The following TTLL5 variants were observed in gnomAD, a reference collection of about 807,000 sequenced individuals.
The protein encoded by TTLL5 is tubulin polyglutamylase TTLL5.
A neutral mutation model predicts 168.4 loss-of-function variants in TTLL5; 132 were observed. That is an observed-to-expected ratio of 0.78 (90% CI 0.68 to 0.91). TTLL5 has a LOEUF of 0.91. Among genes scored for constraint, TTLL5 ranks in the 40% least tolerant of loss-of-function variants. The pLI, the probability that TTLL5 is intolerant of heterozygous loss-of-function variation, is 0.00. For missense variants in TTLL5, 1,545 were observed against 1,581.5 expected (o/e 0.98, Z 0.39); for synonymous variants, 546 against 558.6 (o/e 0.98, Z 0.32).
intron 31 of TTLL5, among the ~76,000 whole-genome samples, chr14:75,927,482 AAAGT>A (rs1161035774): frequency 1.3e-5 from 2 of 152,224 alleles, no homozygotes; most frequent in Admixed American, 1.3e-4. Context: ...TAATATTTAG[AAAGT>A]AAGAGGAAAA....
At chr14:75,767,235 T>C (rs941131578) in intron 20 of TTLL5, among the ~76,000 whole-genome samples, 1 of 152,044 alleles carries the variant, frequency 6.6e-6, no homozygotes, top group African/African-American at 2.4e-5. Flanking sequence ...GAGTTTTTAT[T>C]GAGCACCTGC....
At chr14:75,830,254 G>A (rs1179789082) in intron 28 of TTLL5, among the ~76,000 whole-genome samples, 1 of 152,138 alleles carries the variant, frequency 6.6e-6, no homozygotes, top group East Asian at 1.9e-4. Flanking sequence ...AAAAATTGTG[G>A]CCTGATTTCC....
At chr14:75,758,709 C>A (rs765744577) in intron 18 of TTLL5, among the ~76,000 whole-genome samples, 16 of 152,206 alleles carry the variant, frequency 1.1e-4, no homozygotes, top group Admixed American at 3.9e-4. Flanking sequence ...AGAGTATGTT[C>A]TTTGGCCCCA....
intron 30 of TTLL5, among the ~76,000 whole-genome samples, chr14:75,892,451 C>T (rs1014217128): frequency 8.5e-5 from 13 of 152,196 alleles, no homozygotes; most frequent in African/African-American, 2.4e-4. Flanking sequence ...CCTAAAGCCA[C>T]GCTCATTACT....
chr14:75,896,715 T>C (rs1022185844), intron 30 of TTLL5, among the ~76,000 whole-genome samples: 1 of 152,008 alleles, frequency 6.6e-6, no homozygotes, highest in Non-Finnish European at 1.5e-5. Context: ...AGAAAGCATA[T>C]CGCTTTCAGA....
At chr14:75,851,242 TACAC>T (rs554469193) in intron 28 of TTLL5, among the ~76,000 whole-genome samples, 33 of 151,842 alleles carry the variant, frequency 2.2e-4, no homozygotes, top group South Asian at 6.2e-4. Flanking sequence ...GCAAGGGAAA[TACAC>T]ACAGAGGAAG....
intron 2 of TTLL5, among the ~76,000 whole-genome samples, chr14:75,665,892 C>A (rs986527837): frequency 2.0e-5 from 3 of 152,134 alleles, no homozygotes; most frequent in Non-Finnish European, 4.4e-5. Context: ...TTTTAGATAA[C>A]GTCAAAGGCA....
At chr14:75,685,533 G>A (rs1482528692) in intron 5 of TTLL5, among the ~76,000 whole-genome samples, 1 of 152,120 alleles carries the variant, frequency 6.6e-6, no homozygotes, top group African/African-American at 2.4e-5. Flanking sequence ...ATTATTCTAG[G>A]ATGTACCAAG....
chr14:75,749,630 A>AGT (rs1889828061), intron 17 of TTLL5, among the ~76,000 whole-genome samples: 1 of 152,156 alleles, frequency 6.6e-6, no homozygotes, highest in South Asian at 2.1e-4. Context: ...AGAGGTGCTC[A>AGT]GTGCATCATT....
chr14:75,782,385 T>A, intron 24 of TTLL5, 102 bp from the exon 25 acceptor site: 3 of 891,822 alleles, frequency 3.4e-6, no homozygotes, highest in Non-Finnish European at 5.1e-6. Flanking sequence ...TTCCCAGCAT[T>A]GATTAGCAGT....
chr14:75,739,692 G>A (rs1189473866), intron 15 of TTLL5, among the ~76,000 whole-genome samples: 1 of 152,152 alleles, frequency 6.6e-6, no homozygotes, highest in Non-Finnish European at 1.5e-5. Context: ...CTTTGGGCAA[G>A]TTCTCTTACC....
At chr14:75,736,344 A>G (rs1888905582) in intron 15 of TTLL5, among the ~76,000 whole-genome samples, 1 of 152,118 alleles carries the variant, frequency 6.6e-6, no homozygotes, top group African/African-American at 2.4e-5. Flanking sequence ...CATTTGGAGT[A>G]GTGCTATTTT....
intron 28 of TTLL5, among the ~76,000 whole-genome samples, chr14:75,846,109 A>ATC (rs1896528538): frequency 6.6e-6 from 1 of 152,268 alleles, no homozygotes; most frequent in African/African-American, 2.4e-5. Flanking sequence ...GGCAGAAAAC[A>ATC]TCAGTAGCCT....
intron 27 of TTLL5, among the ~76,000 whole-genome samples, chr14:75,815,418 G>T (rs1894336244): frequency 6.6e-6 from 1 of 152,170 alleles, no homozygotes; most frequent in Non-Finnish European, 1.5e-5. Flanking sequence ...CACAGTGGCT[G>T]CCACTTCTTG....
At chr14:75,729,758 T>A (rs1020755122) in intron 12 of TTLL5, among the ~76,000 whole-genome samples, 1 of 152,230 alleles carries the variant, frequency 6.6e-6, no homozygotes, top group African/African-American at 2.4e-5. Context: ...AGAGGTTGTT[T>A]AGCAGTAACA....
chr14:75,776,969 G>A (rs1315478787), intron 23 of TTLL5, 119 bp downstream of exon 23: 12 of 778,494 alleles, frequency 1.5e-5, no homozygotes, highest in East Asian at 8.3e-5. Flanking sequence ...TCTTAAAGCC[G>A]GGCACAGTGG....
intron 31 of TTLL5, among the ~76,000 whole-genome samples, chr14:75,902,927 G>A (rs1297905630): frequency 6.6e-6 from 1 of 152,210 alleles, no homozygotes; most frequent in African/African-American, 2.4e-5. Flanking sequence ...TGCTCTTAGG[G>A]AACTTTAAAG....
Position 75,849,678 on chromosome 14 carries a change from T to G in TTLL5, c.3327-13989T>G, listed in dbSNP as rs538210677. Among the ~76,000 whole-genome samples, 330 of 152,320 alleles carry G rather than the reference T, an allele frequency of 2.2e-3. 1 individual carries two copies. The highest frequency in any genetic ancestry group is 7.7e-3 in the African/African-American group (321 of 41,578). On this transcript the variant is annotated intron_variant, in intron 28 of 31. Transcript: ENST00000298832. Reference sequence around the variant, plus strand: ...AGAGTAACTTCATTTCCCTTCAAGGTAGAATTACTTTGGTAAGAGAAGACC... The same window carrying G: ...AGAGTAACTTCATTTCCCTTCAAGGGAGAATTACTTTGGTAAGAGAAGACC...
At chr14:75,871,752 A>G (rs902304566) in intron 29 of TTLL5, among the ~76,000 whole-genome samples, 3 of 152,208 alleles carry the variant, frequency 2.0e-5, no homozygotes, top group African/African-American at 4.8e-5. Context: ...ACTTCAATCC[A>G]TCCATCTGAG....
Sources: allele counts gnomAD v4.1 joint callset (sites outside exome capture counted in the v4.1 genomes callset), GRCh38; gene constraint gnomAD v4.1.1; transcripts MANE v1.5; gene names NCBI Gene and HGNC (gene_info 2026-07-23, HGNC 2026-07-21).